Variants in ZNF827 observed in about 807,000 individuals in gnomAD.
ZNF827 encodes the protein zinc finger protein 827.
A neutral mutation model predicts 102.4 loss-of-function variants in ZNF827; 13 were observed. That is an observed-to-expected ratio of 0.13 (90% CI 0.08 to 0.20). The LOEUF (loss-of-function observed/expected upper bound fraction) is 0.20. ZNF827 is among the 10% of genes least tolerant of loss of function. ZNF827 has a pLI of 1.00. For synonymous variants in ZNF827, 523 were observed against 536.2 expected, an observed-to-expected ratio of 0.98 and a Z score of 0.34; for missense variants, 1,103 against 1,344.4, an observed-to-expected ratio of 0.82 and a Z score of 2.81.
Position 145,902,866 on chromosome 4 carries a change from G to C in ZNF827, c.393C>G (p.Ser131=), listed in dbSNP as rs1333400626. 1 of 1,614,124 alleles carries C rather than the reference G, an allele frequency of 6.2e-7. No homozygotes were observed. The highest frequency in any genetic ancestry group is 1.1e-5 in the South Asian group (1 of 91,068). The change falls in exon 2 of 15, where the codon TCC becomes TCG. Residue 131 remains serine (S), a synonymous_variant. Transcript: ENST00000508784. The surrounding 1 kb of genome is among the most constrained non-coding windows in gnomAD (Gnocchi z 4.3). ...SNLRRLLEAG[S]LKLDAAATAN... ...CCGTGGCTGCAGCATCGAGTTTGAG[G>C]GAACCAGCCTCCAGCAGCCGCCTCA... is the stretch of plus-strand genomic sequence containing the variant.
chr4:145,771,337 G>A (rs1422777833), intron 11 of ZNF827, among the ~76,000 whole-genome samples: 1 of 152,148 alleles, frequency 6.6e-6, no homozygotes, highest in Non-Finnish European at 1.5e-5. Context: ...AGCTCTGGAA[G>A]CTTGATAAAT....
chr4:145,785,653 G>C (rs945712400), intron 8 of ZNF827, among the ~76,000 whole-genome samples: 4 of 152,118 alleles, frequency 2.6e-5, no homozygotes, highest in African/African-American at 4.8e-5. Context: ...AATGTTTTCT[G>C]TTTTATATAT....
intron 4 of ZNF827, among the ~76,000 whole-genome samples, chr4:145,875,527 T>C (rs1396283853): frequency 6.6e-6 from 1 of 152,220 alleles, no homozygotes; most frequent in East Asian, 1.9e-4. Context: ...GGGTGGGTTT[T>C]GTCTGAAGAA....
At chr4:145,849,235 AG>A in intron 6 of ZNF827, 86 bp downstream of exon 6, 1 of 1,438,400 alleles carries the variant, frequency 7.0e-7, no homozygotes, top group Non-Finnish European at 9.3e-7. Flanking sequence ...CCTATAATTC[AG>A]GTTTTTTTTT....
intron 8 of ZNF827, among the ~76,000 whole-genome samples, chr4:145,807,447 T>C (rs1414605361): frequency 6.6e-6 from 1 of 151,786 alleles, no homozygotes; most frequent in Non-Finnish European, 1.5e-5. Flanking sequence ...CACCCAAAGA[T>C]AACTTTCATT....
intron 7 of ZNF827, among the ~76,000 whole-genome samples, chr4:145,825,931 T>G (rs994823238): frequency 6.6e-6 from 1 of 152,210 alleles, no homozygotes; most frequent in African/African-American, 2.4e-5. Context: ...TGCTGGATAC[T>G]AAAAATGCAC....
intron 4 of ZNF827, among the ~76,000 whole-genome samples, chr4:145,883,567 G>A (rs1478581619): frequency 6.6e-6 from 1 of 152,132 alleles, no homozygotes; most frequent in Admixed American, 6.5e-5. Flanking sequence ...AGCGTAATGT[G>A]AGCACTCAGA....
At chr4:145,919,917 T>C (rs1011190676) in intron 1 of ZNF827, among the ~76,000 whole-genome samples, 3 of 152,110 alleles carry the variant, frequency 2.0e-5, no homozygotes, top group Non-Finnish European at 4.4e-5. Context: ...CATGGCAAAA[T>C]AGAAAGGGCA....
intron 1 of ZNF827, among the ~76,000 whole-genome samples, chr4:145,932,624 G>T (rs972544930): frequency 6.6e-6 from 1 of 152,186 alleles, no homozygotes; most frequent in Admixed American, 6.5e-5. Flanking sequence ...TCAGGCGCCC[G>T]CCACCACGCC....
intron 8 of ZNF827, among the ~76,000 whole-genome samples, chr4:145,812,445 G>A (rs1486864004): frequency 3.9e-5 from 6 of 151,918 alleles, no homozygotes; most frequent in African/African-American, 1.4e-4. Context: ...CATCTAAGGT[G>A]AAAAAACGAA....
At chr4:145,892,146 C>T (rs958731387) in intron 3 of ZNF827, 97 bp downstream of exon 3, 5 of 1,225,886 alleles carry the variant, frequency 4.1e-6, no homozygotes, top group African/African-American at 3.0e-5. Flanking sequence ...ATCAGTGAGG[C>T]GCCCTCCCTC....
chr4:145,782,582 G>A (rs1466732664), intron 8 of ZNF827, among the ~76,000 whole-genome samples: 3 of 152,154 alleles, frequency 2.0e-5, no homozygotes, highest in Non-Finnish European at 2.9e-5. Context: ...CCAACATTGT[G>A]GCAAAAGCCT....
In ZNF827 at chr4:145,760,737, T is replaced by A; in HGVS notation, c.*879A>T. 1.2e-6 allele frequency: 1 copy of A among 814,722 alleles called. No homozygotes were observed. Among genetic ancestry groups the A allele is most frequent in the Non-Finnish European group, 1.4e-6 (1 of 689,984 alleles). 50.5% of individuals were successfully genotyped at this position (814,722 alleles called of 1,614,324 possible). A position where few individuals can be genotyped will look rare whatever the true frequency, so the allele number is the denominator to read the frequency against. ...GTTTTGTGGTTTTTTTTTTTTTTTT[T>A]GTCTTTTGTCTCTCTGTTTTTGGTA... On this transcript the variant is annotated 3_prime_UTR_variant, in exon 15 of 15. Transcript: ENST00000508784.
chr4:145,884,386 G>T (rs903601393), intron 4 of ZNF827, among the ~76,000 whole-genome samples: 2 of 152,130 alleles, frequency 1.3e-5, no homozygotes, highest in East Asian at 1.9e-4. Flanking sequence ...ATGACATTTA[G>T]TGAAATGCGA....
At chr4:145,897,059 C>T (rs1179807870) in intron 2 of ZNF827, among the ~76,000 whole-genome samples, 1 of 152,182 alleles carries the variant, frequency 6.6e-6, no homozygotes, top group Non-Finnish European at 1.5e-5. Context: ...GATCATCCAG[C>T]TCTGTTTACA....
intron 8 of ZNF827, among the ~76,000 whole-genome samples, chr4:145,804,399 G>C (rs1175654269): frequency 6.6e-6 from 1 of 152,102 alleles, no homozygotes; most frequent in Non-Finnish European, 1.5e-5. Context: ...TGAACAGCTT[G>C]GCTGAAGAAT....
At chr4:145,821,573 T>C (rs1424816668) in intron 8 of ZNF827, among the ~76,000 whole-genome samples, 1 of 152,206 alleles carries the variant, frequency 6.6e-6, no homozygotes, top group Non-Finnish European at 1.5e-5. Context: ...AAAAAGTCTT[T>C]TTTTTTTAGC....
At chr4:145,865,292 C>T (rs1748086592) in intron 5 of ZNF827, among the ~76,000 whole-genome samples, 1 of 152,218 alleles carries the variant, frequency 6.6e-6, no homozygotes, top group Non-Finnish European at 1.5e-5. Flanking sequence ...AGAATCTTCA[C>T]TGAAGAGAGA....
chr4:145,921,040 G>A (rs1024208110), intron 1 of ZNF827, among the ~76,000 whole-genome samples: 3 of 152,186 alleles, frequency 2.0e-5, no homozygotes, highest in South Asian at 2.1e-4. Context: ...GGGAGGAGAC[G>A]CCTAATTCTA....
Sources: gnomAD v4.1 joint callset for allele counts (sites outside exome capture counted in the v4.1 genomes callset) on GRCh38, gnomAD v4.1.1 for gene constraint, Gnocchi (gnomAD v3.1) non-coding constraint, MANE v1.5 for transcripts, NCBI Gene and HGNC (gene_info 2026-07-23, HGNC 2026-07-21) for gene names.